The following RNLS variants were observed in gnomAD, a reference collection of about 807,000 sequenced individuals.
RNLS encodes renalase.
Under a neutral mutation model 39.8 loss-of-function variants are expected in RNLS, and 39 were observed. That is an observed-to-expected ratio of 0.98 (90% confidence interval 0.76 to 1.28). The LOEUF (loss-of-function observed/expected upper bound fraction) is 1.28. Ranked by LOEUF, RNLS falls within the 50% of genes most tolerant of loss-of-function variation. The pLI is 0.00. For missense variants in RNLS, 410 were observed against 413.3 expected, an observed-to-expected ratio of 0.99 and a Z score of 0.07; for synonymous variants, 147 against 150.7, an observed-to-expected ratio of 0.98 and a Z score of 0.18.
chr10:88,258,980 C>T, the RNLS span: 1 of 152,158 alleles, frequency 6.6e-6, no homozygotes, highest in East Asian at 1.9e-4. Flanking sequence ...TTCCGGATGC[C>T]CTGGATTTCC....
At chr10:88,196,188 A>G in the RNLS span, among the ~76,000 whole-genome samples, 1 of 108,112 alleles carries the variant, frequency 9.2e-6, no homozygotes, top group Non-Finnish European at 1.7e-5. Context: ...GCATCCTACA[A>G]TTTCGTATAC....
intron 5 of RNLS, among the ~76,000 whole-genome samples, chr10:88,340,332 C>G (rs1296376811): frequency 2.6e-5 from 4 of 152,224 alleles, no homozygotes; most frequent in Non-Finnish European, 5.9e-5. Flanking sequence ...ACTTTACTTG[C>G]AAGTGCAGGA....
chr10:88,344,053 T>C (rs1036552408), intron 5 of RNLS, among the ~76,000 whole-genome samples: 1 of 152,190 alleles, frequency 6.6e-6, no homozygotes, highest in Non-Finnish European at 1.5e-5. Context: ...CTCAGCATTA[T>C]GCCCTCTATG....
At chr10:88,537,856 T>C (rs1031601760) in intron 4 of RNLS, among the ~76,000 whole-genome samples, 2 of 152,182 alleles carry the variant, frequency 1.3e-5, no homozygotes, top group Admixed American at 6.6e-5. Flanking sequence ...TGTGCTTTTC[T>C]ATATGGATAT....
chr10:88,558,323 GAAT>G (rs1210128077), intron 4 of RNLS, among the ~76,000 whole-genome samples: 1 of 152,060 alleles, frequency 6.6e-6, no homozygotes, highest in East Asian at 1.9e-4. Context: ...TATAAAATGG[GAAT>G]AATAATATTT....
intron 4 of RNLS, among the ~76,000 whole-genome samples, chr10:88,432,961 A>T (rs1855224090): frequency 6.6e-6 from 1 of 152,042 alleles, no homozygotes; most frequent in Admixed American, 6.6e-5. Context: ...GCTCTTAGTG[A>T]TGCCATGCTG....
chr10:88,572,845 T>G, intron 4 of RNLS, 58 bp downstream of exon 4: 4 of 1,572,750 alleles, frequency 2.5e-6, no homozygotes, highest in Non-Finnish European at 3.5e-6. Context: ...ACCAAATTCA[T>G]GCTTTGTCAA....
intron 6 of RNLS, among the ~76,000 whole-genome samples, chr10:88,306,739 C>A (rs1844948986): frequency 6.6e-6 from 1 of 152,142 alleles, no homozygotes. Flanking sequence ...CCATTGAATT[C>A]TATCAGATGT....
At chr10:88,199,965 C>CA in the RNLS span, among the ~76,000 whole-genome samples, 1 of 152,066 alleles carries the variant, frequency 6.6e-6, no homozygotes, top group Non-Finnish European at 1.5e-5. Context: ...CCTGTTTCTG[C>CA]AAAAAATACA....
In RNLS at chr10:88,526,874, T is replaced by C. The variant is rs146623007; in HGVS notation, c.526+46029A>G. ...AAGGAGGTTAGCAGTGGGAAACCAGTAAAGCCGCAGAACTGCAGAAATGTT... is the reference window on the plus strand; with the variant it reads ...AAGGAGGTTAGCAGTGGGAAACCAGCAAAGCCGCAGAACTGCAGAAATGTT... On this transcript the variant is annotated intron_variant, in intron 4 of 6. Transcript: ENST00000331772. 3.6e-3 allele frequency among the ~76,000 whole-genome samples: 547 copies of C among 151,458 alleles called. 4 individuals are homozygous for C. Among genetic ancestry groups the C allele is most frequent in the Middle Eastern group, 0.027 (8 of 294 alleles).
intron 4 of RNLS, among the ~76,000 whole-genome samples, chr10:88,443,231 A>C (rs898695041): frequency 6.6e-6 from 1 of 152,152 alleles, no homozygotes; most frequent in Non-Finnish European, 1.5e-5. Context: ...TACATTTTCT[A>C]CACTGCGGCC....
intron 3 of RNLS, among the ~76,000 whole-genome samples, chr10:88,579,403 G>C (rs975632269): frequency 2.0e-5 from 3 of 152,082 alleles, no homozygotes; most frequent in Non-Finnish European, 2.9e-5. Flanking sequence ...TGGCTGGTTT[G>C]GGGGGAAAAG....
chr10:88,482,403 C>T (rs78778724), intron 4 of RNLS, among the ~76,000 whole-genome samples: 2,872 of 152,220 alleles, frequency 0.019, 37 homozygotes, highest in Non-Finnish European at 0.033. Flanking sequence ...AACTGATTCT[C>T]TCTCCTATCA....
intron 5 of RNLS, among the ~76,000 whole-genome samples, chr10:88,327,640 G>A (rs1371296443): frequency 6.6e-6 from 1 of 152,176 alleles, no homozygotes; most frequent in Admixed American, 6.5e-5. Context: ...CTAAGGCAAT[G>A]CTACTTTAAG....
chr10:88,447,416 C>T (rs1490331541), intron 4 of RNLS, among the ~76,000 whole-genome samples: 1 of 152,118 alleles, frequency 6.6e-6, no homozygotes, highest in Non-Finnish European at 1.5e-5. Flanking sequence ...ACAATTGCTT[C>T]AAAGAGAATA....
chr10:88,401,632 T>G (rs1852923932), intron 4 of RNLS, among the ~76,000 whole-genome samples: 1 of 152,062 alleles, frequency 6.6e-6, no homozygotes, highest in African/African-American at 2.4e-5. Context: ...TGATGTCTTA[T>G]ATCATCTTTT....
rs756949915 is a variant in RNLS at position 88,583,196 on chromosome 10, G to C, written c.-6C>G. 3 of 1,613,636 alleles carry C rather than the reference G, an allele frequency of 1.9e-6. No homozygotes were observed. In the African/African-American group the frequency reaches 4.0e-5, roughly 22 times the overall value. On this transcript the variant is annotated 5_prime_UTR_variant, in exon 1 of 7. Coordinates refer to ENST00000331772, the MANE Select transcript of RNLS (RefSeq NM_001031709.3). ...ACGATCAGCACCTGCGCCATGGCGA[G>C]AGGGAGCAGCGATCCGCGCTGAGTC... is the stretch of plus-strand genomic sequence containing the variant.
the RNLS span, among the ~76,000 whole-genome samples, chr10:88,227,790 G>T: frequency 1.3e-5 from 2 of 152,218 alleles, no homozygotes; most frequent in Admixed American, 6.5e-5. Context: ...ATGGACAGCT[G>T]CCAGGAGGCT....
At chr10:88,370,690 G>A (rs145597149) in intron 4 of RNLS, among the ~76,000 whole-genome samples, 9 of 152,288 alleles carry the variant, frequency 5.9e-5, no homozygotes, top group Non-Finnish European at 1.2e-4. Context: ...AAGGACAATA[G>A]TATCTTAGCC....
Sources: allele counts gnomAD v4.1 joint callset (sites outside exome capture counted in the v4.1 genomes callset), GRCh38; gene constraint gnomAD v4.1.1; transcripts MANE v1.5; gene names NCBI Gene and HGNC (gene_info 2026-07-23, HGNC 2026-07-21).